The following ZRANB1 variants were observed in gnomAD, a reference collection of about 807,000 sequenced individuals.
ZRANB1 encodes the protein zinc finger RANBP2-type containing 1.
ZRANB1 carries 16 observed loss-of-function variants against 80.5 expected under a neutral mutation model. That is an observed-to-expected ratio of 0.20 (90% CI 0.13 to 0.30). The LOEUF is 0.30. Ranked by LOEUF, ZRANB1 falls within the 10% of genes least tolerant of loss-of-function variation. The pLI is 1.00. For synonymous variants in ZRANB1, 291 were observed against 293.1 expected (o/e 0.99, Z 0.07); for missense variants, 576 against 862.6 (o/e 0.67, Z 4.16).
chr10:124,972,859 C>T (rs11245451), intron 3 of ZRANB1, among the ~76,000 whole-genome samples: 19,033 of 151,640 alleles, frequency 0.13, 1,252 homozygotes, highest in East Asian at 0.21. Flanking sequence ...GCTTACTGCG[C>T]CTTCAACTTC....
the ZRANB1 span, among the ~76,000 whole-genome samples, chr10:124,922,919 G>A: frequency 6.6e-6 from 1 of 152,194 alleles, no homozygotes; most frequent in African/African-American, 2.4e-5. Context: ...CTACATGGGA[G>A]GCTCAGGTGG....
At chr10:124,950,197 T>C (rs1951625480) in intron 1 of ZRANB1, among the ~76,000 whole-genome samples, 1 of 152,186 alleles carries the variant, frequency 6.6e-6, no homozygotes, top group Admixed American at 6.5e-5. Flanking sequence ...TGATCTTGGC[T>C]CACTTCAATC....
chr10:124,969,440 G>C (rs943844554), intron 2 of ZRANB1, among the ~76,000 whole-genome samples: 1 of 152,128 alleles, frequency 6.6e-6, no homozygotes, highest in Admixed American at 6.6e-5. Context: ...CTAGACTAAG[G>C]GGGTGTGTTG....
At chr10:124,919,046 T>C in the ZRANB1 span, among the ~76,000 whole-genome samples, 1 of 152,192 alleles carries the variant, frequency 6.6e-6, no homozygotes, top group Admixed American at 6.5e-5. Context: ...CATGGTAATA[T>C]ATTTTAAGCT....
At chr10:124,938,004 A>G (rs1951502930), upstream of ZRANB1, among the ~76,000 whole-genome samples, 1 of 152,192 alleles carries the variant, frequency 6.6e-6, no homozygotes, top group Non-Finnish European at 1.5e-5. Context: ...TTGAAGTTTG[A>G]GTCCTTGGAT....
the ZRANB1 span, among the ~76,000 whole-genome samples, chr10:124,924,322 T>G: frequency 6.6e-6 from 1 of 151,600 alleles, no homozygotes; most frequent in Non-Finnish European, 1.5e-5. Flanking sequence ...GCAGCTTCAT[T>G]GAGGTGTATT....
chr10:124,922,832 C>T, the ZRANB1 span, among the ~76,000 whole-genome samples: 1 of 152,004 alleles, frequency 6.6e-6, no homozygotes, highest in Non-Finnish European at 1.5e-5. Context: ...TAAGCCACTG[C>T]GCCTGGCCCT....
rs747474149 is a variant in ZRANB1 at position 124,943,295 on chromosome 10, A to G, written c.802A>G (p.Asn268Asp). The part of the protein sequence containing the change: ...RMKKTDWLFL[N>D]ACVGVVEGDL... ...GAAAAAGACTGATTGGCTCTTCCTC[A>G]ATGCTTGTGTGGGTAAGTTTCTGTA... The change falls in exon 1 of 9, where the codon AAT becomes GAT. Residue 268 changes from asparagine to aspartate, a missense_variant. Asn to Asp is a conservative substitution (Grantham distance 23). Transcript: ENST00000359653. The G allele has an allele frequency of 1.9e-6, 3 of 1,611,982 alleles. No individual in the cohort carries two copies. Among genetic ancestry groups the G allele is most frequent in the Non-Finnish European group, 2.5e-6 (3 of 1,178,772 alleles).
chr10:124,935,995 G>A, the ZRANB1 span, among the ~76,000 whole-genome samples: 38 of 152,228 alleles, frequency 2.5e-4, no homozygotes, highest in South Asian at 8.3e-4. Context: ...TGTACTTGGA[G>A]TGAGTTGAAA....
At chr10:124,966,483 G>T (rs1051413014) in intron 1 of ZRANB1, 111 bp from the exon 2 acceptor site, 6 of 1,048,362 alleles carry the variant, frequency 5.7e-6, no homozygotes, top group Non-Finnish European at 8.5e-6. Context: ...GATGCATCAG[G>T]ATCCAGGAAG....
the ZRANB1 span, among the ~76,000 whole-genome samples, chr10:124,927,245 G>T: frequency 6.6e-6 from 1 of 152,054 alleles, no homozygotes; most frequent in Non-Finnish European, 1.5e-5. Context: ...GTGAGCCACC[G>T]CGCCCGGCCC....
the ZRANB1 span, among the ~76,000 whole-genome samples, chr10:124,917,526 C>T: frequency 6.6e-6 from 1 of 152,136 alleles, no homozygotes. Flanking sequence ...GCCGGCCGCC[C>T]GTGGCTGGAC....
chr10:124,939,436 A>G (rs989571060), upstream of ZRANB1, among the ~76,000 whole-genome samples: 1 of 152,104 alleles, frequency 6.6e-6, no homozygotes, highest in Non-Finnish European at 1.5e-5. Context: ...CTGTCTGTCC[A>G]TTATTTTACC....
At chr10:124,921,890 T>G in the ZRANB1 span, among the ~76,000 whole-genome samples, 1 of 152,044 alleles carries the variant, frequency 6.6e-6, no homozygotes, top group African/African-American at 2.4e-5. Flanking sequence ...AGCCATAAGT[T>G]TGAATTTTAA....
At chr10:124,975,218 T>TA (rs1185037713) in intron 5 of ZRANB1, among the ~76,000 whole-genome samples, 3 of 152,238 alleles carry the variant, frequency 2.0e-5, no homozygotes, top group Non-Finnish European at 4.4e-5. Context: ...ACCCATGGAA[T>TA]AATTTTAAAA....
At chr10:124,942,088 T>A, upstream of ZRANB1, 1 of 980,274 alleles carries the variant, frequency 1.0e-6, no homozygotes, top group Non-Finnish European at 1.2e-6. Flanking sequence ...TCTACCTTTG[T>A]CTCTTTAAAC....
intron 1 of ZRANB1, among the ~76,000 whole-genome samples, chr10:124,944,498 C>CG (rs1491376760): frequency 5.7e-5 from 6 of 105,026 alleles, no homozygotes; most frequent in African/African-American, 1.7e-4. Flanking sequence ...CCCCCCCCCC[C>CG]GCCCCAAGAT....
intron 1 of ZRANB1, among the ~76,000 whole-genome samples, chr10:124,956,120 G>A (rs898655014): frequency 2.6e-5 from 4 of 152,128 alleles, no homozygotes; most frequent in East Asian, 1.9e-4. Context: ...GGACTATGTC[G>A]CGTGATTCTT....
chr10:124,966,424 A>G (rs1175605766), intron 1 of ZRANB1, among the ~76,000 whole-genome samples, 170 bp from the exon 2 acceptor site: 1 of 152,190 alleles, frequency 6.6e-6, no homozygotes, highest in African/African-American at 2.4e-5. Context: ...AAAATTTTTA[A>G]AGGGAAAGGA....
Sources: gnomAD v4.1 joint callset for allele counts (sites outside exome capture counted in the v4.1 genomes callset) on GRCh38, gnomAD v4.1.1 for gene constraint, MANE v1.5 for transcripts, NCBI Gene and HGNC (gene_info 2026-07-23, HGNC 2026-07-21) for gene names.